DUSP5: variants seen among roughly 807,000 people sequenced by gnomAD.
The protein encoded by DUSP5 is dual specificity protein phosphatase 5.
In DUSP5, 22 loss-of-function variants were observed where a neutral mutation model predicts 33.6. The observed-to-expected ratio is 0.66, with a 90% CI of 0.47 to 0.94. DUSP5 has a LOEUF of 0.94. DUSP5 is among the 40% of genes least tolerant of loss of function. The pLI is 0.00. For synonymous variants in DUSP5, 270 were observed against 231.1 expected, an observed-to-expected ratio of 1.17 and a Z score of -1.53; for missense variants, 551 against 522.1, an observed-to-expected ratio of 1.06 and a Z score of -0.54.
At position 110,498,101 on chromosome 10, in the gene DUSP5, C is replaced by T. The variant is rs772690696; in HGVS notation, c.-21C>T. 7.9e-6 allele frequency: 10 copies of T among 1,272,596 alleles called. No homozygotes were observed. Among genetic ancestry groups the T allele is most frequent in the African/African-American group, 1.6e-5 (1 of 63,036 alleles). The allele number at this position is 1,272,596 out of a possible 1,614,324, so 78.8% of individuals were successfully genotyped here. On this transcript the variant is annotated 5_prime_UTR_variant, in exon 1 of 4. Coordinates refer to ENST00000369583, the MANE Select transcript of DUSP5 (RefSeq NM_004419.4). ...CCGCGGGGCGCGCGGCGCGGGGCCG[C>T]TGGCCGGCGGCGGCGGCGGCATGAA...
At chr10:110,500,176 A>G (rs1421191959) in intron 1 of DUSP5, among the ~76,000 whole-genome samples, 9 of 152,214 alleles carry the variant, frequency 5.9e-5, no homozygotes, top group Non-Finnish European at 1.2e-4. Flanking sequence ...TTGATTTTGT[A>G]TAGTCCCTGT....
At chr10:110,506,787 G>C in intron 2 of DUSP5, 148 bp from the exon 3 acceptor site, 1 of 820,224 alleles carries the variant, frequency 1.2e-6, no homozygotes, top group Non-Finnish European at 2.0e-6. Context: ...ACCACACTTG[G>C]TTGAACTGCC....
chr10:110,504,516 C>T (rs1860095528), intron 2 of DUSP5, among the ~76,000 whole-genome samples: 1 of 152,200 alleles, frequency 6.6e-6, no homozygotes, highest in Non-Finnish European at 1.5e-5. Flanking sequence ...GATCTTGAGT[C>T]AACCATCCAG....
intron 3 of DUSP5, among the ~76,000 whole-genome samples, chr10:110,507,991 C>T (rs376311432): frequency 2.0e-5 from 3 of 152,346 alleles, no homozygotes; most frequent in East Asian, 1.9e-4. Flanking sequence ...CTTTAACATA[C>T]GTAGTTGTTG....
intron 3 of DUSP5, among the ~76,000 whole-genome samples, chr10:110,507,562 G>T (rs760133741): frequency 6.6e-6 from 1 of 152,122 alleles, no homozygotes; most frequent in Non-Finnish European, 1.5e-5. Context: ...CACTACTTAC[G>T]CACTGAGCCC....
chr10:110,508,657 T>A (rs1860149470), intron 3 of DUSP5, among the ~76,000 whole-genome samples: 1 of 152,178 alleles, frequency 6.6e-6, no homozygotes, highest in South Asian at 2.1e-4. Context: ...TTTGCATTCT[T>A]GGATGTGGCA....
At chr10:110,501,929 C>A (rs2134658096) in intron 1 of DUSP5, among the ~76,000 whole-genome samples, 1 of 147,682 alleles carries the variant, frequency 6.8e-6, no homozygotes, top group African/African-American at 2.5e-5. Flanking sequence ...ATTAAGGATT[C>A]TGAGAGTCAC....
chr10:110,498,359 G>C lies in DUSP5; in HGVS notation c.238G>C (p.Gly80Arg). The C allele has an allele frequency of 7.2e-7, 1 of 1,397,090 alleles. No homozygotes were observed. Among genetic ancestry groups the C allele is most frequent in the Non-Finnish European group, 9.3e-7 (1 of 1,074,198 alleles). 86.5% of individuals were successfully genotyped at this position (1,397,090 alleles called of 1,614,324 possible). A position where few individuals can be genotyped will look rare whatever the true frequency, so the allele number is the denominator to read the frequency against. ...AARARLLQEG[G>R]GGVAAVVVLD... is the part of the protein sequence containing the mutation. ...GCGCGCGCGGCTCCTGCAGGAGGGCGGCGGCGGCGTCGCGGCCGTGGTGGT... is the reference window on the plus strand; with the variant it reads ...GCGCGCGCGGCTCCTGCAGGAGGGCCGCGGCGGCGTCGCGGCCGTGGTGGT... Residue 80 changes from glycine (G) to arginine (R), a missense_variant, in exon 1 of 4, where the codon GGC becomes CGC. This residue lies in a region of DUSP5 where 381 missense variants were observed against 310.4 expected (regional missense o/e 1.23). Coordinates refer to ENST00000369583, the MANE Select transcript of DUSP5 (RefSeq NM_004419.4).
Position 110,498,309 on chromosome 10 carries a change from G to A in DUSP5, c.188G>A (p.Arg63His). 2 of 1,426,562 alleles carry A rather than the reference G, an allele frequency of 1.4e-6. No individual in the cohort carries two copies. The highest frequency in any genetic ancestry group is 3.0e-5 in the South Asian group (2 of 66,094). 88.4% of individuals were successfully genotyped at this position (1,426,562 alleles called of 1,614,324 possible). A position where few individuals can be genotyped will look rare whatever the true frequency, so the allele number is the denominator to read the frequency against. Reference protein sequence around the residue: ...RRARGGAVSARYVLPDEAARA... With the variant: ...RRARGGAVSAHYVLPDEAARA... ...GCCCGGGGCGGCGCGGTGTCGGCGC[G>A]CTACGTGCTGCCCGACGAGGCGGCG... Residue 63 changes from arginine (R) to histidine (H), a missense_variant, in exon 1 of 4, where the codon CGC becomes CAC. Coordinates refer to ENST00000369583, the MANE Select transcript of DUSP5 (RefSeq NM_004419.4).
chr10:110,511,502 G>A lies in DUSP5; in HGVS notation c.*1076G>A, dbSNP rs200575714. On this transcript the variant is annotated 3_prime_UTR_variant, in exon 4 of 4. Coordinates refer to ENST00000369583, the MANE Select transcript of DUSP5 (RefSeq NM_004419.4). ...GTTACTGGTTGTTGTTGTTGTTCTTGTTTTTTATAGTGTAAAATAAAAATA... is the reference window on the plus strand; with the variant it reads ...GTTACTGGTTGTTGTTGTTGTTCTTATTTTTTATAGTGTAAAATAAAAATA... The A allele has an allele frequency of 6.6e-6, 1 of 152,472 alleles. No homozygotes were observed. The highest frequency in any genetic ancestry group is 6.6e-5 in the Admixed American group (1 of 15,266). The allele number at this position is 152,472 out of a possible 1,614,324, so 9.4% of individuals were successfully genotyped here.
intron 3 of DUSP5, among the ~76,000 whole-genome samples, chr10:110,509,686 C>T (rs1246944109): frequency 6.6e-6 from 1 of 152,218 alleles, no homozygotes; most frequent in African/African-American, 2.4e-5. Context: ...AAGATGGCAT[C>T]CCCAGGAAGG....
chr10:110,500,806 G>A (rs1313158792), intron 1 of DUSP5, among the ~76,000 whole-genome samples: 2 of 152,206 alleles, frequency 1.3e-5, no homozygotes, highest in African/African-American at 4.8e-5. Context: ...ATGGGAGTGG[G>A]TGAAAGACTG....
In DUSP5 at chr10:110,498,090, G is replaced by C; in HGVS notation, c.-32G>C. On this transcript the variant is annotated 5_prime_UTR_variant, in exon 1 of 4. Transcript: ENST00000369583. ...GCCGTGGGCACCCGCGGGGCGCGCG[G>C]CGCGGGGCCGCTGGCCGGCGGCGGC... 4 of 1,210,766 alleles carry C rather than the reference G, an allele frequency of 3.3e-6. No individual in the cohort carries two copies. Among genetic ancestry groups the C allele is most frequent in the Non-Finnish European group, 4.1e-6 (4 of 975,096 alleles). 75.0% of individuals were successfully genotyped at this position (1,210,766 alleles called of 1,614,324 possible).
chr10:110,501,967 G>C lies in DUSP5; in HGVS notation c.380-754G>C, dbSNP rs182639320. ...ATGCCGTAAGTTGACTTATTGATTG[G>C]GGGGGGGGTGCAGGAGGAGTAGGAG... On this transcript the variant is annotated intron_variant, in intron 1 of 3. Coordinates refer to ENST00000369583, the MANE Select transcript of DUSP5 (RefSeq NM_004419.4). 3.0e-3 allele frequency among the ~76,000 whole-genome samples: 427 copies of C among 144,382 alleles called. 1 individual carries two copies. The highest frequency in any genetic ancestry group is 4.8e-3 in the Non-Finnish European group (322 of 66,488). The allele number at this position is 144,382 out of a possible 152,430, so 94.7% of individuals were successfully genotyped here.
At chr10:110,498,577 A>ACCTGGG in intron 1 of DUSP5, 77 bp downstream of exon 1, 1 of 1,336,258 alleles carries the variant, frequency 7.5e-7, no homozygotes, top group Non-Finnish European at 9.6e-7. Flanking sequence ...GCGCCCTCCT[A>ACCTGGG]CACCCTGGGA....
intron 2 of DUSP5, among the ~76,000 whole-genome samples, chr10:110,503,873 A>G (rs1040499222): frequency 3.3e-5 from 5 of 152,248 alleles, no homozygotes; most frequent in African/African-American, 1.2e-4. Flanking sequence ...TACCCAAATC[A>G]TAAGAAGAAA....
At chr10:110,498,936 C>G (rs1274392271) in intron 1 of DUSP5, among the ~76,000 whole-genome samples, 2 of 152,174 alleles carry the variant, frequency 1.3e-5, no homozygotes, top group South Asian at 2.1e-4. Context: ...GTGGTGCCCC[C>G]CTTCCTCCCG....
At chr10:110,499,273 A>G (rs1860008332) in intron 1 of DUSP5, among the ~76,000 whole-genome samples, 1 of 152,086 alleles carries the variant, frequency 6.6e-6, no homozygotes, top group Admixed American at 6.5e-5. Context: ...AGGCCTGCCC[A>G]TTTCACCTGC....
In DUSP5 at chr10:110,506,370, T is replaced by G. The variant is rs181433993; in HGVS notation, c.529-565T>G. Among the ~76,000 whole-genome samples, 420 of 152,196 alleles carry G rather than the reference T, an allele frequency of 2.8e-3. 2 individuals are homozygous for G. The highest frequency in any genetic ancestry group is 0.019 in the South Asian group (93 of 4,812). The stretch of plus-strand genomic sequence containing the variant: ...TCTCTTCAGCGTAGGAATTCAAGAT[T>G]ACAGTGAGCTATGATTGTGCCGCTG... On this transcript the variant is annotated intron_variant, in intron 2 of 3. Transcript: ENST00000369583.
Sources: allele counts gnomAD v4.1 joint callset (sites outside exome capture counted in the v4.1 genomes callset), GRCh38; gene constraint gnomAD v4.1.1; regional missense constraint gnomAD v4.1.1; transcripts MANE v1.5; gene names NCBI Gene and HGNC (gene_info 2026-07-23, HGNC 2026-07-21).